MEI4: variants seen among roughly 807,000 people sequenced by gnomAD.
MEI4 encodes meiotic double-stranded break formation protein 4.
MEI4 carries 27 observed loss-of-function variants against 31.4 expected under a neutral mutation model. The ratio of observed to expected loss-of-function variants is 0.86; its 90% CI spans 0.63 to 1.19. The LOEUF is 1.19. Among genes scored for constraint, MEI4 ranks in the 50% most tolerant of loss-of-function variants. The pLI is 0.00. For missense variants in MEI4, 329 were observed against 398.9 expected (o/e 0.82, Z 1.49); for synonymous variants, 122 against 145.4 (o/e 0.84, Z 1.16).
chr6:77,907,000 T>C (rs1450159177), intron 4 of MEI4, among the ~76,000 whole-genome samples: 3 of 138,468 alleles, frequency 2.2e-5, no homozygotes, highest in Non-Finnish European at 4.8e-5. Context: ...CATTCTTATG[T>C]TGATAGATGC....
At position 77,700,066 on chromosome 6, in the gene MEI4, C is replaced by G. The variant is rs537952325; in HGVS notation, c.232+9163C>G. Among the ~76,000 whole-genome samples the G allele has an allele frequency of 1.5e-3, 230 of 152,338 alleles. 1 individual carries two copies. Among genetic ancestry groups the G allele is most frequent in the African/African-American group, 5.3e-3 (221 of 41,584 alleles). ...TCAGGGACCCACTTGAGGAGGCAGT[C>G]TGCCCGTTCTCAGATCTCCAGCTGC... On this transcript the variant is annotated intron_variant, in intron 2 of 4. Coordinates refer to ENST00000684080, the MANE Select transcript of MEI4 (RefSeq NM_001322247.2).
intron 3 of MEI4, among the ~76,000 whole-genome samples, chr6:77,762,939 T>C (rs186781740): frequency 2.0e-5 from 3 of 152,168 alleles, no homozygotes; most frequent in Non-Finnish European, 4.4e-5. Flanking sequence ...TTTTTAAACT[T>C]CTTTTTATAC....
chr6:77,688,212 A>C (rs1448837441), intron 1 of MEI4, among the ~76,000 whole-genome samples: 1 of 152,132 alleles, frequency 6.6e-6, no homozygotes, highest in African/African-American at 2.4e-5. Context: ...GCTGTTCTAC[A>C]ATTAAGAAGG....
chr6:77,861,065 C>G lies in MEI4; in HGVS notation c.900+32003C>G, dbSNP rs113734469. Among the ~76,000 whole-genome samples the G allele has an allele frequency of 3.9e-5, 6 of 152,272 alleles. No individual in the cohort carries two copies. The East Asian group carries it at 1.2e-3, about 29-fold the overall frequency. ...GTCTGAGGTAGAATTTCTCCCAACC[C>G]CATCACCCTCATAGAAGTTATCTGA... On this transcript the variant is annotated intron_variant, in intron 4 of 4. Transcript: ENST00000684080.
chr6:77,888,801 A>C (rs1390058367), intron 4 of MEI4, among the ~76,000 whole-genome samples: 1 of 151,994 alleles, frequency 6.6e-6, no homozygotes, highest in Non-Finnish European at 1.5e-5. Flanking sequence ...CCACAATCCC[A>C]ATGTGTTGTG....
At chr6:77,731,055 C>T (rs906628866) in intron 2 of MEI4, among the ~76,000 whole-genome samples, 1 of 151,910 alleles carries the variant, frequency 6.6e-6, no homozygotes, top group African/African-American at 2.4e-5. Flanking sequence ...GGTTCCAAGC[C>T]TTTGCTAGTG....
intron 3 of MEI4, among the ~76,000 whole-genome samples, chr6:77,783,046 CCTT>C (rs1300992052): frequency 2.6e-5 from 4 of 152,214 alleles, no homozygotes; most frequent in African/African-American, 9.6e-5. Context: ...CTTTGTTTAA[CCTT>C]CTGCATGCTC....
chr6:77,794,346 G>A (rs1442085543), intron 3 of MEI4, among the ~76,000 whole-genome samples: 5 of 152,080 alleles, frequency 3.3e-5, no homozygotes, highest in Non-Finnish European at 5.9e-5. Flanking sequence ...GGTGGATCAC[G>A]AGGTCAGGAG....
intron 2 of MEI4, among the ~76,000 whole-genome samples, chr6:77,736,651 G>A (rs1013030715): frequency 6.6e-6 from 1 of 151,996 alleles, no homozygotes; most frequent in African/African-American, 2.4e-5. Context: ...GGCCATTTTG[G>A]CTCCTACCCC....
rs1242933686 is a variant in MEI4 at position 77,829,067 on chromosome 6, A to G, written c.900+5A>G. ...GATCTGGGAGCCATCAATCAGGTAC[A>G]CATAACTTGAAACTGTAGTTCTCAT... On this transcript the variant is annotated splice_donor_5th_base_variant and intron_variant, in intron 4 of 4. Transcript: ENST00000684080. 2.0e-4 allele frequency: 244 copies of G among 1,231,470 alleles called. No homozygotes were observed. The highest frequency in any genetic ancestry group is 2.5e-4 in the Non-Finnish European group (242 of 987,562). The allele number at this position is 1,231,470 out of a possible 1,614,324, so 76.3% of individuals were successfully genotyped here.
upstream of MEI4, among the ~76,000 whole-genome samples, chr6:77,652,229 GAT>G (rs1768311653): frequency 1.3e-5 from 2 of 152,154 alleles, no homozygotes; most frequent in Non-Finnish European, 2.9e-5. Flanking sequence ...ATAATGACGA[GAT>G]ACTAATGGTT....
chr6:77,729,376 G>A (rs149353220), intron 2 of MEI4, among the ~76,000 whole-genome samples: 2 of 152,306 alleles, frequency 1.3e-5, no homozygotes, highest in East Asian at 3.9e-4. Flanking sequence ...AAAAGATAGT[G>A]TTTCTCACAC....
intron 4 of MEI4, among the ~76,000 whole-genome samples, chr6:77,848,415 C>T (rs1208697142): frequency 2.6e-5 from 4 of 152,110 alleles, no homozygotes; most frequent in African/African-American, 9.7e-5. Context: ...GGAAAGAGGG[C>T]CTGGGAGACA....
intron 4 of MEI4, among the ~76,000 whole-genome samples, chr6:77,906,084 C>T (rs1425061999): frequency 2.6e-5 from 4 of 151,840 alleles, no homozygotes; most frequent in East Asian, 1.9e-4. Context: ...ATTGTTATCC[C>T]GATTTCAATA....
intron 4 of MEI4, among the ~76,000 whole-genome samples, chr6:77,866,345 C>A (rs1245639810): frequency 1.3e-5 from 2 of 152,056 alleles, no homozygotes; most frequent in Non-Finnish European, 2.9e-5. Flanking sequence ...TGTCTCAGCC[C>A]AAAATCTCCT....
intron 2 of MEI4, among the ~76,000 whole-genome samples, chr6:77,706,900 G>T (rs748172859): frequency 6.6e-6 from 1 of 152,032 alleles, no homozygotes; most frequent in Admixed American, 6.6e-5. Flanking sequence ...ATAGAACCAC[G>T]AACCAAATAA....
chr6:77,755,826 G>C (rs1767901480), intron 2 of MEI4, among the ~76,000 whole-genome samples: 1 of 51,612 alleles, frequency 1.9e-5, no homozygotes, highest in Admixed American at 2.4e-4. Context: ...TGCTGGAATG[G>C]TGTGTGTGTG....
chr6:77,839,501 T>C (rs748052065), intron 4 of MEI4, among the ~76,000 whole-genome samples: 1 of 152,146 alleles, frequency 6.6e-6, no homozygotes, highest in Non-Finnish European at 1.5e-5. Flanking sequence ...CCCTGACCTG[T>C]GTGAGACAGA....
At chr6:77,741,258 T>C (rs1767392961) in intron 2 of MEI4, among the ~76,000 whole-genome samples, 2 of 152,178 alleles carry the variant, frequency 1.3e-5, no homozygotes, top group African/African-American at 2.4e-5. Flanking sequence ...GGCCACACAG[T>C]GAAAGGCTTT....
Sources: gnomAD v4.1 joint callset for allele counts (sites outside exome capture counted in the v4.1 genomes callset) on GRCh38, gnomAD v4.1.1 for gene constraint, MANE v1.5 for transcripts, NCBI Gene and HGNC (gene_info 2026-07-23, HGNC 2026-07-21) for gene names.